Variants in PECR observed in about 807,000 individuals in gnomAD.
The protein encoded by PECR is peroxisomal trans-2-enoyl-CoA reductase.
PECR carries 30 observed loss-of-function variants against 35.3 expected under a neutral mutation model. That is an observed-to-expected ratio of 0.85 (90% CI 0.64 to 1.15). The LOEUF is 1.15. PECR is among the 50% of genes most tolerant of loss of function. The pLI is 0.00. For synonymous variants in PECR, 148 were observed against 138.9 expected, an observed-to-expected ratio of 1.07 and a Z score of -0.46; for missense variants, 392 against 370.8, an observed-to-expected ratio of 1.06 and a Z score of -0.47.
At chr2:216,064,451 CT>C (rs1292039456) in intron 3 of PECR, among the ~76,000 whole-genome samples, 3 of 152,190 alleles carry the variant, frequency 2.0e-5, no homozygotes, top group African/African-American at 7.2e-5. Flanking sequence ...ATAGCAAGAA[CT>C]GGAGCAGCCC....
At chr2:216,081,306 G>C (rs1695841661) in intron 1 of PECR, among the ~76,000 whole-genome samples, 1 of 152,214 alleles carries the variant, frequency 6.6e-6, no homozygotes, top group African/African-American at 2.4e-5. Context: ...TAAGCATATA[G>C]AATGGATTAA....
Position 216,043,912 on chromosome 2 carries a change from T to C in PECR, c.818A>G (p.Glu273Gly). 6.4e-7 allele frequency: 1 copy of C among 1,563,372 alleles called. No homozygotes were observed. The highest frequency in any genetic ancestry group is 1.1e-5 in the South Asian group (1 of 90,136). ...GGRSLYTHSY[E>G]VPDHDNWPKG... The stretch of plus-strand genomic sequence containing the variant: ...ATTCCTCAGCTGCTCACCTGGTACC[T>C]CATACGAGTGAGTATAGAGACTCCG... Residue 273 changes from glutamate (E) to glycine (G), a missense_variant, in exon 7 of 8, where the codon GAG (glutamate) becomes GGG (glycine). Physicochemically the swap from Glu to Gly is moderately conservative, Grantham distance 98. Transcript: ENST00000265322.
intron 7 of PECR, 149 bp from the exon 8 acceptor site, chr2:216,039,509 C>T (rs1053342552): frequency 3.0e-6 from 2 of 659,336 alleles, no homozygotes; most frequent in African/African-American, 3.6e-5. Flanking sequence ...GAAAAGACTT[C>T]AATTTGAATC....
chr2:216,077,178 A>G (rs923526133), intron 1 of PECR, among the ~76,000 whole-genome samples: 2 of 149,008 alleles, frequency 1.3e-5, no homozygotes, highest in South Asian at 2.4e-4. Flanking sequence ...GATTACAGGC[A>G]TGAGCCACCG....
Position 216,077,432 on chromosome 2 carries a change from G to A in PECR, c.124+4186C>T, listed in dbSNP as rs368956028. Among the ~76,000 whole-genome samples, 38 of 152,136 alleles carry A rather than the reference G, an allele frequency of 2.5e-4. No individual in the cohort carries two copies. The East Asian group carries it at 3.5e-3, about 14-fold the overall frequency. Reference sequence around the variant, plus strand: ...TGAGGCAGGAGAATGGCTTGAACCCGGGAGGCGGAGCTTGCAGTGAGCCAA... The same window carrying A: ...TGAGGCAGGAGAATGGCTTGAACCCAGGAGGCGGAGCTTGCAGTGAGCCAA... On this transcript the variant is annotated intron_variant, in intron 1 of 7. Transcript: ENST00000265322.
intron 6 of PECR, among the ~76,000 whole-genome samples, chr2:216,047,349 G>A (rs1695016016): frequency 6.6e-6 from 1 of 151,594 alleles, no homozygotes; most frequent in East Asian, 1.9e-4. Context: ...GATAATAAAA[G>A]CTAGTTCTAA....
At chr2:216,059,034 T>A in intron 3 of PECR, 58 bp from the exon 4 acceptor site, 1 of 1,003,588 alleles carries the variant, frequency 1.0e-6, no homozygotes, top group Non-Finnish European at 1.6e-6. Flanking sequence ...GCCCTCCTGA[T>A]ACCTTGTTTC....
chr2:216,074,177 G>A (rs2105968449), intron 1 of PECR, among the ~76,000 whole-genome samples: 1 of 152,344 alleles, frequency 6.6e-6, no homozygotes, highest in African/African-American at 2.4e-5. Context: ...GGGTGCAGTG[G>A]CTCATGCCTG....
At chr2:216,066,081 G>C (rs1283565120) in intron 2 of PECR, among the ~76,000 whole-genome samples, 2 of 152,148 alleles carry the variant, frequency 1.3e-5, no homozygotes, top group Non-Finnish European at 2.9e-5. Context: ...CCGATATAGT[G>C]CCACTGCCTT....
chr2:216,029,343 T>C (rs997327271), intron 7 of PECR, among the ~76,000 whole-genome samples: 2 of 152,098 alleles, frequency 1.3e-5, no homozygotes, highest in African/African-American at 2.4e-5. Flanking sequence ...CTGGGCGTGG[T>C]GGCGCGCTTC....
chr2:216,074,710 A>C (rs1695661497), intron 1 of PECR, among the ~76,000 whole-genome samples: 1 of 152,240 alleles, frequency 6.6e-6, no homozygotes, highest in Non-Finnish European at 1.5e-5. Context: ...TTACTATCTG[A>C]AACCTCAAGA....
rs375539601 is a variant in PECR, at chr2:216,039,340, C to G, written c.847G>C (p.Gly283Arg). The G allele has an allele frequency of 1.9e-6, 3 of 1,605,256 alleles. No homozygotes were observed. Among genetic ancestry groups the G allele is most frequent in the African/African-American group, 1.3e-5 (1 of 74,698 alleles). Residue 283 changes from glycine (G) to arginine (R), a missense_variant, in exon 8 of 8, where the codon GGA becomes CGA. Transcript: ENST00000265322. ...TTGACAACAGAAAGGTCCCCTGCTC[C>G]CTTGGGCCAGTTGTCATGATCTGTT... ...EVPDHDNWPK[G>R]AGDLSVVKKM...
intron 7 of PECR, among the ~76,000 whole-genome samples, chr2:216,042,940 T>C (rs1193761464): frequency 6.9e-6 from 1 of 145,932 alleles, no homozygotes; most frequent in Non-Finnish European, 1.5e-5. Context: ...TATATATACA[T>C]ACGTATATGT....
At chr2:216,040,153 A>G (rs73074220) in intron 7 of PECR, among the ~76,000 whole-genome samples, 5,380 of 152,290 alleles carry the variant, frequency 0.035, 306 homozygotes, top group African/African-American at 0.12. Context: ...TCAGTGAGCT[A>G]CTAAGTCAAG....
At chr2:216,064,881 A>G (rs1021137494) in intron 3 of PECR, among the ~76,000 whole-genome samples, 4 of 152,156 alleles carry the variant, frequency 2.6e-5, no homozygotes, top group Non-Finnish European at 4.4e-5. Context: ...ACGAAACATG[A>G]CCTTTAATCC....
At chr2:216,055,270 T>C (rs545023280) in intron 4 of PECR, among the ~76,000 whole-genome samples, 22 of 151,652 alleles carry the variant, frequency 1.5e-4, no homozygotes, top group Non-Finnish European at 2.9e-4. Context: ...AAACCCCGTC[T>C]CTATTAAAAA....
chr2:216,043,854 G>A, intron 7 of PECR, 50 bp downstream of exon 7: 1 of 970,034 alleles, frequency 1.0e-6, no homozygotes, highest in Non-Finnish European at 1.7e-6. Flanking sequence ...TTAAACCCCT[G>A]AACATGACAC....
intron 7 of PECR, among the ~76,000 whole-genome samples, chr2:216,041,010 A>G (rs1295465989): frequency 6.6e-6 from 1 of 152,344 alleles, no homozygotes; most frequent in East Asian, 1.9e-4. Flanking sequence ...CATACGGCTA[A>G]TAAGGGTAGA....
chr2:216,072,825 C>T (rs574427328), intron 1 of PECR, among the ~76,000 whole-genome samples: 1 of 152,296 alleles, frequency 6.6e-6, no homozygotes, highest in Non-Finnish European at 1.5e-5. Context: ...CTGTGATAAA[C>T]ATACTAGAGC....
Sources: gnomAD v4.1 joint callset for allele counts (sites outside exome capture counted in the v4.1 genomes callset) on GRCh38, gnomAD v4.1.1 for gene constraint, MANE v1.5 for transcripts, NCBI Gene and HGNC (gene_info 2026-07-23, HGNC 2026-07-21) for gene names.